SLC2A13: variants seen among roughly 807,000 people sequenced by gnomAD.
The protein encoded by SLC2A13 is solute carrier family 2 member 13.
Under a neutral mutation model 64.4 loss-of-function variants are expected in SLC2A13, and 32 were observed. The observed-to-expected ratio is 0.50, with a 90% CI of 0.37 to 0.67. The LOEUF is 0.67. SLC2A13 is among the 30% of genes least tolerant of loss of function. SLC2A13 has a pLI of 0.00. For synonymous variants in SLC2A13, 338 were observed against 327.1 expected, an observed-to-expected ratio of 1.03 and a Z score of -0.36; for missense variants, 743 against 829.2, an observed-to-expected ratio of 0.90 and a Z score of 1.28.
intron 3 of SLC2A13, among the ~76,000 whole-genome samples, chr12:39,966,214 C>T (rs967837336): frequency 6.0e-5 from 9 of 150,860 alleles, no homozygotes; most frequent in African/African-American, 9.7e-5. Context: ...ATAAATACAG[C>T]GTGAGAGAGA....
intron 4 of SLC2A13, among the ~76,000 whole-genome samples, chr12:39,933,090 G>T (rs567644309): frequency 6.6e-6 from 1 of 152,222 alleles, no homozygotes; most frequent in Non-Finnish European, 1.5e-5. Context: ...TTAGCCAGTC[G>T]TGGGGGCATG....
At position 39,923,971 on chromosome 12, in the gene SLC2A13, A is replaced by G. The variant is rs557321353; in HGVS notation, c.1034+27286T>C. On this transcript the variant is annotated intron_variant, in intron 4 of 9. Transcript: ENST00000280871. ...GATTTTCATTCTTTTCACTAAAATA[A>G]TAGTTCTATGTTTCTTGAAGGCTTT... Among the ~76,000 whole-genome samples, 156 of 152,132 alleles carry G rather than the reference A, an allele frequency of 1.0e-3. 1 individual carries two copies. Among genetic ancestry groups the G allele is most frequent in the Non-Finnish European group, 1.8e-3 (123 of 68,006 alleles).
intron 6 of SLC2A13, among the ~76,000 whole-genome samples, chr12:39,854,312 T>C (rs537800286): frequency 6.6e-6 from 1 of 152,264 alleles, no homozygotes; most frequent in African/African-American, 2.4e-5. Context: ...TCAAAAAGAA[T>C]ATGAATAATA....
intron 1 of SLC2A13, among the ~76,000 whole-genome samples, chr12:40,075,163 A>T (rs1308453736): frequency 6.6e-6 from 1 of 152,200 alleles, no homozygotes; most frequent in African/African-American, 2.4e-5. Context: ...ATTCACTGTG[A>T]AAACCTGGTA....
chr12:39,835,192 G>C (rs1942973059), intron 6 of SLC2A13, among the ~76,000 whole-genome samples: 1 of 152,002 alleles, frequency 6.6e-6, no homozygotes, highest in Non-Finnish European at 1.5e-5. Flanking sequence ...TCCACAGTGT[G>C]ACCTGGACTA....
intron 4 of SLC2A13, chr12:39,950,355 G>A (rs1446109910): frequency 6.6e-6 from 1 of 151,990 alleles, no homozygotes; most frequent in Non-Finnish European, 1.5e-5. Flanking sequence ...GCAGGGAGTG[G>A]GGAGGACTTC....
intron 7 of SLC2A13, among the ~76,000 whole-genome samples, chr12:39,823,677 G>C (rs1270074376): frequency 1.3e-5 from 2 of 152,010 alleles, no homozygotes; most frequent in African/African-American, 4.8e-5. Context: ...TTAAACTCCT[G>C]GGCTCAAGTG....
chr12:39,883,006 T>G (rs1046649409), intron 4 of SLC2A13, among the ~76,000 whole-genome samples: 1 of 152,184 alleles, frequency 6.6e-6, no homozygotes, highest in Non-Finnish European at 1.5e-5. Flanking sequence ...AGTGTTTATT[T>G]ACATGAATGA....
intron 7 of SLC2A13, among the ~76,000 whole-genome samples, chr12:39,812,177 C>T (rs1243523377): frequency 6.6e-6 from 1 of 151,978 alleles, no homozygotes; most frequent in African/African-American, 2.4e-5. Context: ...GGTTCATAGC[C>T]ATCTTTCATC....
rs111296586 is a variant in SLC2A13 at position 39,864,885 on chromosome 12, TA to T, written c.1199-4del. On this transcript the variant is annotated splice_polypyrimidine_tract_variant and splice_region_variant and intron_variant, in intron 5 of 9. Transcript: ENST00000280871. Reference sequence around the variant, plus strand: ...AATAATGAGTGCTACGGTGGTACCTTAAAAAAAAAAAGTTTTATATTAGAGA... The same window carrying T: ...AATAATGAGTGCTACGGTGGTACCTTAAAAAAAAAAGTTTTATATTAGAGA... 19,973 of 1,116,462 alleles carry T rather than the reference TA, an allele frequency of 0.018. 2 individuals are homozygous for T. Among genetic ancestry groups the T allele is most frequent in the South Asian group, 0.037 (2,165 of 59,264 alleles). 69.2% of individuals were successfully genotyped at this position (1,116,462 alleles called of 1,614,324 possible).
chr12:39,945,483 C>A (rs1946117581), intron 4 of SLC2A13, among the ~76,000 whole-genome samples: 1 of 151,988 alleles, frequency 6.6e-6, no homozygotes, highest in Non-Finnish European at 1.5e-5. Context: ...CTCAGCTATG[C>A]CGATTATTCT....
intron 4 of SLC2A13, among the ~76,000 whole-genome samples, chr12:39,895,878 GTATATGCGTGTATATGCAC>G (rs1944795363): frequency 1.2e-5 from 1 of 84,870 alleles, no homozygotes; most frequent in African/African-American, 4.3e-5. Flanking sequence ...ACACACATAT[GTATATGCGTGTATATGCAC>G]ACACATATGT....
intron 7 of SLC2A13, among the ~76,000 whole-genome samples, chr12:39,805,873 G>C (rs575560867): frequency 1.2e-4 from 18 of 152,264 alleles, no homozygotes; most frequent in African/African-American, 3.8e-4. Flanking sequence ...GGAAACACAG[G>C]AAGAGATCAG....
chr12:39,775,080 A>G lies in SLC2A13; in HGVS notation c.1446-10222T>C, dbSNP rs11830326. On this transcript the variant is annotated intron_variant, in intron 7 of 9. Transcript: ENST00000280871. ...ATCCTTAGGAAACCACTTAAATGGGAAATTATATGCTTCAAGATGTACTTT... is the reference window on the plus strand; with the variant it reads ...ATCCTTAGGAAACCACTTAAATGGGGAATTATATGCTTCAAGATGTACTTT... Among the ~76,000 whole-genome samples the G allele has an allele frequency of 4.4e-3, 668 of 152,304 alleles. 5 individuals carry two copies. The highest frequency in any genetic ancestry group is 0.015 in the African/African-American group (629 of 41,566).
chr12:39,913,281 T>A (rs1945460748), intron 4 of SLC2A13, among the ~76,000 whole-genome samples: 1 of 151,962 alleles, frequency 6.6e-6, no homozygotes, highest in African/African-American at 2.4e-5. Flanking sequence ...ATGCAATGAA[T>A]CTTAAGTTAG....
chr12:39,799,306 C>T lies in SLC2A13; in HGVS notation c.1445+30797G>A, dbSNP rs1441109151. Among the ~76,000 whole-genome samples, 7 of 132,134 alleles carry T rather than the reference C, an allele frequency of 5.3e-5. No homozygotes were observed. The South Asian group carries it at 7.1e-4, about 13-fold the overall frequency. The allele number at this position is 132,134 out of a possible 152,430, so 86.7% of individuals were successfully genotyped here. ...TGTGCTTTTAGTAGCAATGGGGTTT[C>T]GCTGTGTTGGCCAGGCTGGTCTCAA... On this transcript the variant is annotated intron_variant, in intron 7 of 9. Transcript: ENST00000280871.
intron 3 of SLC2A13, among the ~76,000 whole-genome samples, chr12:40,017,976 T>TAAAAAAAA (rs5797648): frequency 7.8e-6 from 1 of 128,560 alleles, no homozygotes; most frequent in Non-Finnish European, 1.6e-5. Flanking sequence ...TGCACATATT[T>TAAAAAAAA]AAAAAAAAAA....
chr12:39,789,850 T>G (rs892044038), intron 7 of SLC2A13, among the ~76,000 whole-genome samples: 1 of 152,124 alleles, frequency 6.6e-6, no homozygotes, highest in African/African-American at 2.4e-5. Context: ...TTTTATAGAG[T>G]GTCTATTCTT....
intron 7 of SLC2A13, among the ~76,000 whole-genome samples, chr12:39,790,357 C>G (rs963263127): frequency 2.1e-5 from 3 of 144,000 alleles, no homozygotes; most frequent in African/African-American, 7.7e-5. Flanking sequence ...TCTCCCAATG[C>G]TATCCCTCCC....
Sources: allele counts gnomAD v4.1 joint callset (sites outside exome capture counted in the v4.1 genomes callset), GRCh38; gene constraint gnomAD v4.1.1; transcripts MANE v1.5; gene names NCBI Gene and HGNC (gene_info 2026-07-23, HGNC 2026-07-21).